The following DDX3X variants were observed in gnomAD, a reference collection of about 807,000 sequenced individuals.
DDX3X encodes the protein ATP-dependent RNA helicase DDX3X.
In DDX3X, 4 loss-of-function variants were observed where a neutral mutation model predicts 52.7. The observed-to-expected ratio is 0.08, with a 90% CI of 0.04 to 0.17. The LOEUF (loss-of-function observed/expected upper bound fraction) is 0.17. Among genes scored for constraint, DDX3X ranks in the 10% least tolerant of loss-of-function variants. The pLI, the probability that DDX3X is intolerant of heterozygous loss-of-function variation, is 1.00. For synonymous variants in DDX3X, 192 were observed against 178.1 expected, an observed-to-expected ratio of 1.08 and a Z score of -0.62; for missense variants, 222 against 548.6, an observed-to-expected ratio of 0.40 and a Z score of 5.95.
intron 3 of DDX3X, chrX:41,340,879 TCA>T: frequency 6.8e-6 from 2 of 295,352 alleles, no homozygotes. Context: ...ATTGTTATGG[TCA>T]CACAACGTCA....
rs1057519446 is a variant in DDX3X at position 41,342,572 on chromosome X, G to A, written c.362G>A (p.Arg121His). 1.7e-6 allele frequency: 2 copies of A among 1,210,274 alleles called. No individual in the cohort carries two copies. Among genetic ancestry groups the A allele is most frequent in the Non-Finnish European group, 2.2e-6 (2 of 895,253 alleles). The change falls in exon 5 of 17, where the codon CGT becomes CAT. Residue 121 changes from arginine (R) to histidine (H), a missense_variant. Transcript: ENST00000644876. ...AGAAGTGGCTTTGGCAAATTTGAAC[G>A]TGGTGGAAACAGTCGCTGGTGTGAC... ...GDRSGFGKFE[R>H]GGNSRWCDKS...
downstream of DDX3X, chrX:41,351,470 T>A (rs4142483): frequency 0.21 from 23,007 of 110,626 alleles, 2,176 homozygotes; most frequent in East Asian, 0.45. Flanking sequence ...TTTGCTCCTA[T>A]GCTCTACGTG....
At chrX:41,333,832 G>GTCTTAGCC (rs2063712590), upstream of DDX3X, 1 of 140,078 alleles carries the variant, frequency 7.1e-6, no homozygotes, top group Admixed American at 8.4e-5. Flanking sequence ...ATTTTCAGGC[G>GTCTTAGCC]TCTTAGCCGG....
chrX:41,359,792 C>T lies in DDX3X; in HGVS notation c.655-4482C>T, dbSNP rs936267702. On this transcript the variant is annotated intron_variant, in intron 5 of 5. Coordinates refer to the DDX3X transcript ENST00000616050. ...TAGAGACCATGGTGAAACCCTGTCT[C>T]TACTAAAAATACAAAAAAAAATAAA... Among the ~76,000 whole-genome samples, 38 of 105,178 alleles carry T rather than the reference C, an allele frequency of 3.6e-4. 1 individual carries two copies. Among genetic ancestry groups the T allele is most frequent in the African/African-American group, 1.3e-3 (37 of 29,051 alleles). The allele number at this position is 105,178 out of a possible 115,157, so 91.3% of individuals were successfully genotyped here.
rs1903357150 is a variant in DDX3X at position 41,349,901 on chromosome X, T to TTG, written c.*2183_*2184insGT. ...TGTGTGGATTTTGTTTAGTTGTGTG[T>TTG]TTTTTTTTTTTTTTCAGTGAATGTC... On this transcript the variant is annotated 3_prime_UTR_variant, in exon 17 of 17. Transcript: ENST00000644876. 1 of 74,086 alleles carries TTG rather than the reference T, an allele frequency of 1.3e-5. No individual in the cohort carries two copies. The highest frequency in any genetic ancestry group is 5.6e-5 in the African/African-American group (1 of 17,758). 6.1% of individuals were successfully genotyped at this position (74,086 alleles called of 1,213,427 possible). A position where few individuals can be genotyped will look rare whatever the true frequency, so the allele number is the denominator to read the frequency against.
chrX:41,358,028 T>C (rs2064015705), intron 5 of DDX3X: 1 of 276,883 alleles, frequency 3.6e-6, no homozygotes, highest in Admixed American at 6.6e-5. Flanking sequence ...GTAAGCACCT[T>C]TTGGAAGGTT....
intron 16 of DDX3X, 70 bp from the exon 17 acceptor site, chrX:41,347,569 CG>C: frequency 8.9e-7 from 1 of 1,124,125 alleles, no homozygotes; most frequent in African/African-American, 1.8e-5. Flanking sequence ...TGGCAAATTA[CG>C]TAAGGGAAGG....
At chrX:41,337,360 A>G in intron 1 of DDX3X, 48 bp from the exon 2 acceptor site, 1 of 1,106,489 alleles carries the variant, frequency 9.0e-7, no homozygotes, top group Non-Finnish European at 1.2e-6. Context: ...TTTTCTCTTA[A>G]TGTAGTATTT....
At chrX:41,347,570 G>A (rs1021985179) in intron 16 of DDX3X, 70 bp from the exon 17 acceptor site, 29 of 1,119,481 alleles carry the variant, frequency 2.6e-5, no homozygotes, top group East Asian at 3.0e-5. Context: ...GGCAAATTAC[G>A]TAAGGGAAGG....
chrX:41,340,129 G>A (rs1446243999), intron 3 of DDX3X: 1 of 110,211 alleles, frequency 9.1e-6, no homozygotes, highest in Non-Finnish European at 1.9e-5. Context: ...GGCTGGTCTC[G>A]AACTCCTGAC....
intron 2 of DDX3X, chrX:41,338,172 TTATTA>T (rs777322003): frequency 9.0e-6 from 1 of 110,674 alleles, no homozygotes; most frequent in African/African-American, 3.3e-5. Context: ...TCTTGGTGGT[TTATTA>T]TAAGGGCAAT....
Position 41,342,555 on chromosome X carries a change from C to T in DDX3X, c.345C>T (p.Gly115=), listed in dbSNP as rs758180070. The part of the protein sequence containing the change: ...DGIGSRGDRS[G]FGKFERGGNS... ...TTGGCAGCCGTGGTGACAGAAGTGG[C>T]TTTGGCAAATTTGAACGTGGTGGAA... The change falls in exon 5 of 17, where the codon GGC becomes GGT. Residue 115 remains glycine, a synonymous_variant. Transcript: ENST00000644876. The T allele has an allele frequency of 5.8e-6, 7 of 1,210,020 alleles. No individual in the cohort carries two copies. In the African/African-American group the frequency reaches 1.2e-4, roughly 21 times the overall value.
chrX:41,347,500 T>C, intron 16 of DDX3X, 49 bp downstream of exon 16: 2 of 1,190,642 alleles, frequency 1.7e-6, no homozygotes, highest in South Asian at 3.7e-5. Context: ...TTTTTTCCTT[T>C]TAGTCATCTT....
chrX:41,364,136 A>T, intron 5 of DDX3X: 1 of 289,590 alleles, frequency 3.5e-6, no homozygotes. Flanking sequence ...GTACTCCAGG[A>T]GAGACTTGCC....
intron 10 of DDX3X, 29 bp downstream of exon 10, chrX:41,344,428 G>T (rs768281505): frequency 3.3e-6 from 4 of 1,195,280 alleles, no homozygotes; most frequent in Non-Finnish European, 4.5e-6. Flanking sequence ...TTGTTTTTTT[G>T]TTTTGTTTTG....
Position 41,349,328 on chromosome X carries a change from G to C in DDX3X, c.*1609G>C, listed in dbSNP as rs1273403070. ...TCAGAGAATTTTATATATATGTCTT[G>C]TGTGCGTGTCCTTAAACTTCCAATC... is the stretch of plus-strand genomic sequence containing the variant. On this transcript the variant is annotated 3_prime_UTR_variant, in exon 17 of 17. Transcript: ENST00000644876. 1 of 111,533 alleles carries C rather than the reference G, an allele frequency of 9.0e-6. No individual in the cohort carries two copies. Among genetic ancestry groups the C allele is most frequent in the African/African-American group, 3.3e-5 (1 of 30,569 alleles). 9.2% of individuals were successfully genotyped at this position (111,533 alleles called of 1,213,427 possible). A position where few individuals can be genotyped will look rare whatever the true frequency, so the allele number is the denominator to read the frequency against.
chrX:41,342,317 C>T (rs2063862701), intron 4 of DDX3X, 178 bp from the exon 5 acceptor site: 4 of 468,098 alleles, frequency 8.5e-6, no homozygotes, highest in South Asian at 4.3e-5. Context: ...TTTTAGAAAA[C>T]GAGGTTATGT....
chrX:41,334,055 C>T, upstream of DDX3X: 1 of 436,745 alleles, frequency 2.3e-6, no homozygotes, highest in South Asian at 3.7e-5. Flanking sequence ...GGGCAGAAGT[C>T]GCCGCGACAG....
intron 5 of DDX3X, among the ~76,000 whole-genome samples, chrX:41,362,704 A>C (rs766815379): frequency 1.8e-5 from 2 of 112,170 alleles, no homozygotes; most frequent in Admixed American, 1.9e-4. Context: ...CAGAAAAGAC[A>C]TCCGTCCCCT....
Sources: gnomAD v4.1 joint callset for allele counts (sites outside exome capture counted in the v4.1 genomes callset) on GRCh38, gnomAD v4.1.1 for gene constraint, MANE v1.5 for transcripts, NCBI Gene and HGNC (gene_info 2026-07-23, HGNC 2026-07-21) for gene names.